ANKRD36: variants seen among roughly 807,000 people sequenced by gnomAD.
ANKRD36 encodes ankyrin repeat domain-containing protein 36A.
ANKRD36 carries 179 observed loss-of-function variants against 278.1 expected under a neutral mutation model. The observed-to-expected ratio is 0.64, with a 90% CI of 0.57 to 0.73. The LOEUF (loss-of-function observed/expected upper bound fraction) is 0.73, where lower values mean the gene tolerates loss of function less well. Ranked by LOEUF, ANKRD36 falls within the 30% of genes least tolerant of loss-of-function variation. The pLI is 0.00. For missense variants in ANKRD36, 1,159 were observed against 1,956.7 expected, an observed-to-expected ratio of 0.59 and a Z score of 7.69; for synonymous variants, 320 against 641.1, an observed-to-expected ratio of 0.50 and a Z score of 7.57.
chr2:97,207,583 G>C (rs1429695058), intron 52 of ANKRD36, among the ~76,000 whole-genome samples: 1 of 151,400 alleles, frequency 6.6e-6, no homozygotes, highest in Non-Finnish European at 1.5e-5. Context: ...TTTCACATAT[G>C]ACAAATCATA....
At chr2:97,131,953 C>G (rs552270184) in intron 6 of ANKRD36, among the ~76,000 whole-genome samples, 51 of 151,824 alleles carry the variant, frequency 3.4e-4, no homozygotes, top group Non-Finnish European at 1.2e-4. Flanking sequence ...TTCAGCCTCC[C>G]AAGTAGCTGG....
chr2:97,183,636 G>T lies in ANKRD36; in HGVS notation c.1921G>T (p.Gly641Cys). 2 of 1,574,726 alleles carry T rather than the reference G, an allele frequency of 1.3e-6. No homozygotes were observed. Among genetic ancestry groups the T allele is most frequent in the South Asian group, 2.3e-5 (2 of 85,770 alleles). The change falls in exon 28 of 76, where the codon GGT becomes TGT. Residue 641 changes from glycine to cysteine, a missense_variant. By Grantham distance (159) the Gly-to-Cys change is radical. Coordinates refer to ENST00000420699, the MANE Select transcript of ANKRD36 (RefSeq NM_001354587.1). ...GAATATTGCCACAAGAATAATGGGT[G>T]GTGGGAAATCTGGAACAGGTAATTT... Reference protein sequence around the residue: ...LLNIATRIMGGGKSGTVSSQK... With the variant: ...LLNIATRIMGCGKSGTVSSQK...
In ANKRD36 at chr2:97,218,266, A is replaced by C. The variant is rs1179043954; in HGVS notation, c.3776-784A>C. ...TTGAATCCTAAAGTGATTATTTTCAATGAATATTAGACTGATTTCCAAATG... is the reference window on the plus strand; with the variant it reads ...TTGAATCCTAAAGTGATTATTTTCACTGAATATTAGACTGATTTCCAAATG... On this transcript the variant is annotated intron_variant, in intron 64 of 75. Coordinates refer to ENST00000420699, the MANE Select transcript of ANKRD36 (RefSeq NM_001354587.1). Among the ~76,000 whole-genome samples, 3 of 150,434 alleles carry C rather than the reference A, an allele frequency of 2.0e-5. No individual in the cohort carries two copies. The East Asian group carries it at 6.1e-4, about 31-fold the overall frequency.
chr2:97,230,345 T>A (rs1307240403), intron 67 of ANKRD36, among the ~76,000 whole-genome samples: 1 of 152,044 alleles, frequency 6.6e-6, no homozygotes, highest in Non-Finnish European at 1.5e-5. Flanking sequence ...TTCTTTTCAT[T>A]CTTTTTTCTC....
At chr2:97,211,412 A>G in intron 56 of ANKRD36, 134 bp from the exon 57 acceptor site, 2 of 1,319,530 alleles carry the variant, frequency 1.5e-6, no homozygotes, top group South Asian at 1.4e-5. Flanking sequence ...TGGTCCCCAG[A>G]CACAAAGTAG....
chr2:97,223,396 G>A (rs1218226681), intron 66 of ANKRD36, among the ~76,000 whole-genome samples: 1 of 151,648 alleles, frequency 6.6e-6, no homozygotes, highest in Non-Finnish European at 1.5e-5. Context: ...ACCACACCCA[G>A]CCTATACACT....
chr2:97,194,484 A>T (rs1281883267), intron 38 of ANKRD36, among the ~76,000 whole-genome samples: 2 of 151,532 alleles, frequency 1.3e-5, no homozygotes, highest in Non-Finnish European at 2.9e-5. Context: ...GTTTTATTTT[A>T]GCTTTCGACA....
At chr2:97,200,639 A>T in intron 46 of ANKRD36, 114 bp downstream of exon 46, 1 of 1,465,170 alleles carries the variant, frequency 6.8e-7, no homozygotes, top group Non-Finnish European at 9.1e-7. Flanking sequence ...ACCAAGCTTG[A>T]GATTCTTCTT....
At chr2:97,175,103 T>C (rs2053839225) in intron 22 of ANKRD36, among the ~76,000 whole-genome samples, 1 of 149,676 alleles carries the variant, frequency 6.7e-6, no homozygotes. Flanking sequence ...TTGTTGTGTC[T>C]CTGCCTGGCT....
intron 40 of ANKRD36, among the ~76,000 whole-genome samples, chr2:97,195,940 GT>G: frequency 6.6e-6 from 1 of 151,876 alleles, no homozygotes; most frequent in East Asian, 2.0e-4. Flanking sequence ...GGTGCCATGA[GT>G]GGATGAAGAA....
At chr2:97,170,432 C>T (rs1403321236) in intron 22 of ANKRD36, among the ~76,000 whole-genome samples, 1 of 151,784 alleles carries the variant, frequency 6.6e-6, no homozygotes, top group Non-Finnish European at 1.5e-5. Context: ...TTTGACAAAC[C>T]TGACAAAAAC....
intron 42 of ANKRD36, among the ~76,000 whole-genome samples, chr2:97,197,089 A>T (rs1255633480): frequency 6.6e-6 from 1 of 151,940 alleles, no homozygotes; most frequent in East Asian, 1.9e-4. Context: ...GCTTGTTTTC[A>T]GTAAGGGTGG....
intron 6 of ANKRD36, among the ~76,000 whole-genome samples, chr2:97,140,218 A>AT (rs959870471): frequency 1.3e-5 from 2 of 151,584 alleles, no homozygotes; most frequent in Non-Finnish European, 2.9e-5. Flanking sequence ...TTTCATGTCA[A>AT]TTACTGACAT....
intron 67 of ANKRD36, among the ~76,000 whole-genome samples, chr2:97,229,752 G>A (rs1469195834): frequency 2.6e-5 from 4 of 152,046 alleles, no homozygotes; most frequent in Non-Finnish European, 4.4e-5. Flanking sequence ...TTATATTTTG[G>A]CATGATTTTG....
chr2:97,187,231 T>A lies in ANKRD36; in HGVS notation c.2070+5T>A, dbSNP rs747233206. 1 of 1,609,820 alleles carries A rather than the reference T, an allele frequency of 6.2e-7. No individual in the cohort carries two copies. Among genetic ancestry groups the A allele is most frequent in the Non-Finnish European group, 8.5e-7 (1 of 1,178,764 alleles). ...CAGAAACAACCAGCCTTGAAGGTAA[T>A]TAAACTCTCATTTATATTGTGAACT... On this transcript the variant is annotated splice_donor_5th_base_variant and intron_variant, in intron 31 of 75. Coordinates refer to ENST00000420699, the MANE Select transcript of ANKRD36 (RefSeq NM_001354587.1).
intron 22 of ANKRD36, among the ~76,000 whole-genome samples, chr2:97,176,111 G>A (rs1449935172): frequency 6.6e-6 from 1 of 151,846 alleles, no homozygotes; most frequent in Admixed American, 6.6e-5. Flanking sequence ...TTGATTTGGG[G>A]TGGAGAGTTC....
At chr2:97,193,704 T>C (rs570983935) in intron 38 of ANKRD36, among the ~76,000 whole-genome samples, 44 of 151,646 alleles carry the variant, frequency 2.9e-4, no homozygotes, top group Non-Finnish European at 4.3e-4. Context: ...GACCCATTAC[T>C]CCTCTGTTAC....
chr2:97,115,451 A>C (rs949918367), intron 1 of ANKRD36, among the ~76,000 whole-genome samples: 28 of 152,078 alleles, frequency 1.8e-4, no homozygotes, highest in Non-Finnish European at 3.4e-4. Context: ...AACAAAAGAC[A>C]ATATGTGTAT....
intron 66 of ANKRD36, among the ~76,000 whole-genome samples, chr2:97,223,010 T>C (rs1375024863): frequency 6.6e-6 from 1 of 152,064 alleles, no homozygotes; most frequent in Non-Finnish European, 1.5e-5. Context: ...TGCACTGATT[T>C]TGAAGTATAA....
Sources: gnomAD v4.1 joint callset for allele counts (sites outside exome capture counted in the v4.1 genomes callset) on GRCh38, gnomAD v4.1.1 for gene constraint, MANE v1.5 for transcripts, NCBI Gene and HGNC (gene_info 2026-07-23, HGNC 2026-07-21) for gene names.